RNF6: variants seen among roughly 807,000 people sequenced by gnomAD.
RNF6 encodes ring finger protein 6.
Under a neutral mutation model 50.1 loss-of-function variants are expected in RNF6, and 21 were observed. The observed-to-expected ratio is 0.42, with a 90% confidence interval of 0.30 to 0.60. RNF6 has a LOEUF of 0.60. Ranked by LOEUF, RNF6 falls within the 20% of genes least tolerant of loss-of-function variation. RNF6 has a pLI of 0.20. For synonymous variants in RNF6, 255 were observed against 291.8 expected (o/e 0.87, Z 1.29); for missense variants, 698 against 838.2 (o/e 0.83, Z 2.07).
intron 5 of RNF6, among the ~76,000 whole-genome samples, chr13:26,196,982 A>G (rs149915038): frequency 6.6e-5 from 10 of 152,114 alleles, no homozygotes; most frequent in African/African-American, 2.4e-4. Context: ...GTTTTTATAT[A>G]TATGAAGTGA....
At chr13:26,151,812 A>T (rs573499649) in intron 5 of RNF6, among the ~76,000 whole-genome samples, 1 of 152,298 alleles carries the variant, frequency 6.6e-6, no homozygotes, top group Admixed American at 6.5e-5. Context: ...GGGAAATTTT[A>T]GGATCGCTTA....
chr13:26,156,622 AC>A (rs1871937161), intron 5 of RNF6, among the ~76,000 whole-genome samples: 1 of 152,254 alleles, frequency 6.6e-6, no homozygotes, highest in Non-Finnish European at 1.5e-5. Context: ...ATTTTAAAAA[AC>A]AAATTTTCAA....
intron 5 of RNF6, among the ~76,000 whole-genome samples, chr13:26,165,296 G>A (rs1009272270): frequency 5.3e-5 from 8 of 152,202 alleles, no homozygotes; most frequent in African/African-American, 1.2e-4. Flanking sequence ...TCTAGATTTC[G>A]GAGAATGTAT....
intron 5 of RNF6, among the ~76,000 whole-genome samples, chr13:26,195,241 T>C (rs1868614282): frequency 7.1e-6 from 1 of 140,608 alleles, no homozygotes; most frequent in African/African-American, 2.7e-5. Flanking sequence ...AGATCAAAAA[T>C]ACTAACACAA....
chr13:26,195,368 C>CA (rs532631016), intron 5 of RNF6, among the ~76,000 whole-genome samples: 24 of 148,514 alleles, frequency 1.6e-4, no homozygotes, highest in African/African-American at 3.7e-4. Flanking sequence ...AGGACAAAGA[C>CA]AAAAAAAACC....
In RNF6 at chr13:26,192,895, G is replaced by A. The variant is rs146763767; in HGVS notation, n.768+22579C>T. Reference sequence around the variant, plus strand: ...GCTAAGACATGCTCAGACTCCTGACGCACAGAAACTGTAATATAATAAACG... The same window carrying A: ...GCTAAGACATGCTCAGACTCCTGACACACAGAAACTGTAATATAATAAACG... On this transcript the variant is annotated intron_variant and non_coding_transcript_variant, in intron 5 of 5. Transcript: ENST00000468480. 5.9e-5 allele frequency among the ~76,000 whole-genome samples: 9 copies of A among 152,314 alleles called. No homozygotes were observed. In the South Asian group the frequency reaches 6.2e-4, roughly 11 times the overall value.
At chr13:26,133,291 G>A (rs898342103) in intron 5 of RNF6, among the ~76,000 whole-genome samples, 1 of 152,084 alleles carries the variant, frequency 6.6e-6, no homozygotes, top group Non-Finnish European at 1.5e-5. Context: ...ATTTTCATAA[G>A]TTTGACTATT....
At chr13:26,199,045 G>T (rs1868792266) in intron 5 of RNF6, among the ~76,000 whole-genome samples, 1 of 151,760 alleles carries the variant, frequency 6.6e-6, no homozygotes, top group African/African-American at 2.4e-5. Flanking sequence ...TAAGATATCA[G>T]TTCACCAAAG....
chr13:26,175,499 C>A (rs138076879), intron 5 of RNF6, among the ~76,000 whole-genome samples: 183 of 152,300 alleles, frequency 1.2e-3, no homozygotes, highest in Middle Eastern at 3.4e-3. Flanking sequence ...TACTGGGTAC[C>A]TGCAGGATAG....
intron 5 of RNF6, among the ~76,000 whole-genome samples, chr13:26,134,791 G>A (rs1385719244): frequency 1.3e-5 from 2 of 152,112 alleles, no homozygotes; most frequent in African/African-American, 4.8e-5. Context: ...AAAAAATCCG[G>A]AAGTTACCAC....
intron 5 of RNF6, among the ~76,000 whole-genome samples, chr13:26,184,817 A>C (rs1873439331): frequency 6.6e-6 from 1 of 152,178 alleles, no homozygotes; most frequent in Non-Finnish European, 1.5e-5. Context: ...TGTGCAGGCC[A>C]CAAAGGATAA....
intron 5 of RNF6, among the ~76,000 whole-genome samples, chr13:26,159,518 G>A (rs1005324783): frequency 3.3e-5 from 5 of 151,978 alleles, no homozygotes; most frequent in African/African-American, 4.8e-5. Context: ...CCAGCTACTC[G>A]GGAGGCTGAG....
At chr13:26,166,997 C>T (rs1014180742) in intron 5 of RNF6, among the ~76,000 whole-genome samples, 2 of 152,186 alleles carry the variant, frequency 1.3e-5, no homozygotes, top group African/African-American at 4.8e-5. Flanking sequence ...AACCTCTTTC[C>T]TTTATAAATT....
intron 3 of RNF6, 86 bp downstream of exon 3, chr13:26,219,371 G>A: frequency 8.7e-7 from 1 of 1,150,044 alleles, no homozygotes; most frequent in Non-Finnish European, 1.2e-6. Context: ...GAGAAGCAAG[G>A]AAAAAGAATA....
At chr13:26,181,996 G>T (rs910280610) in intron 5 of RNF6, among the ~76,000 whole-genome samples, 1 of 151,994 alleles carries the variant, frequency 6.6e-6, no homozygotes, top group South Asian at 2.1e-4. Context: ...CTTTAATCTG[G>T]AACAAATAGT....
intron 5 of RNF6, among the ~76,000 whole-genome samples, chr13:26,138,116 T>C (rs949830853): frequency 6.6e-6 from 1 of 152,168 alleles, no homozygotes; most frequent in Non-Finnish European, 1.5e-5. Context: ...AAGAAGCTAC[T>C]AATCACATCT....
chr13:26,215,646 C>CCTG, intron 4 of RNF6, 54 bp from the exon 5 acceptor site: 1 of 1,424,226 alleles, frequency 7.0e-7, no homozygotes, highest in Admixed American at 2.5e-5. Context: ...CACCTTACAG[C>CCTG]TTTATTGAAA....
At chr13:26,166,637 C>T (rs998429870) in intron 5 of RNF6, among the ~76,000 whole-genome samples, 2 of 152,276 alleles carry the variant, frequency 1.3e-5, no homozygotes, top group African/African-American at 4.8e-5. Flanking sequence ...CCTAGGAATA[C>T]AGCTAACTCG....
At chr13:26,178,599 T>C (rs1009548687) in intron 5 of RNF6, among the ~76,000 whole-genome samples, 6 of 91,644 alleles carry the variant, frequency 6.5e-5, no homozygotes, top group Non-Finnish European at 2.2e-5. Context: ...TCCGTGTGTG[T>C]GTGTGTGTGT....
Sources: gnomAD v4.1 joint callset for allele counts (sites outside exome capture counted in the v4.1 genomes callset) on GRCh38, gnomAD v4.1.1 for gene constraint, MANE v1.5 for transcripts, NCBI Gene and HGNC (gene_info 2026-07-23, HGNC 2026-07-21) for gene names.